The following RUNX2 variants were observed in gnomAD, a reference collection of about 807,000 sequenced individuals.
RUNX2 encodes the protein RUNX family transcription factor 2.
Under a neutral mutation model 51.7 loss-of-function variants are expected in RUNX2, and 10 were observed. That is an observed-to-expected ratio of 0.19 (90% CI 0.12 to 0.33). The LOEUF (loss-of-function observed/expected upper bound fraction) is 0.33, where lower values mean the gene tolerates loss of function less well. RUNX2 is among the 10% of genes least tolerant of loss of function. The pLI is 1.00. For synonymous variants in RUNX2, 276 were observed against 273.6 expected (o/e 1.01, Z -0.09); for missense variants, 562 against 691.3 (o/e 0.81, Z 2.10).
At chr6:45,526,266 A>G (rs919779302) in intron 7 of RUNX2, among the ~76,000 whole-genome samples, 4 of 152,194 alleles carry the variant, frequency 2.6e-5, no homozygotes, top group Admixed American at 1.3e-4. Flanking sequence ...TCCATAGACA[A>G]TTTTTGAAAT....
At chr6:45,509,776 T>A (rs1308144528) in intron 6 of RUNX2, among the ~76,000 whole-genome samples, 1 of 152,178 alleles carries the variant, frequency 6.6e-6, no homozygotes. Flanking sequence ...CCCTAATTCC[T>A]TTTCGTCATT....
intron 2 of RUNX2, among the ~76,000 whole-genome samples, chr6:45,412,157 G>C (rs1389281398): frequency 1.3e-5 from 2 of 149,654 alleles, no homozygotes; most frequent in Non-Finnish European, 3.0e-5. Flanking sequence ...AGACTAGCCT[G>C]GGCTACATGC....
intron 2 of RUNX2, among the ~76,000 whole-genome samples, chr6:45,406,301 G>A (rs1395504598): frequency 6.6e-6 from 1 of 152,182 alleles, no homozygotes; most frequent in African/African-American, 2.4e-5. Flanking sequence ...TGGGGAGGCT[G>A]GAACTAAAGT....
At chr6:45,444,239 T>A (rs1252179137) in intron 5 of RUNX2, among the ~76,000 whole-genome samples, 2 of 152,112 alleles carry the variant, frequency 1.3e-5, no homozygotes, top group African/African-American at 2.4e-5. Flanking sequence ...CACATGTGAG[T>A]GGGTTTCTAA....
chr6:45,450,209 C>T (rs377659396), intron 5 of RUNX2, among the ~76,000 whole-genome samples: 2 of 152,160 alleles, frequency 1.3e-5, no homozygotes, highest in African/African-American at 4.8e-5. Flanking sequence ...ATGGCTGCCT[C>T]TGTGATGTGA....
chr6:45,338,961 C>T (rs1310507764), intron 2 of RUNX2, among the ~76,000 whole-genome samples: 2 of 151,926 alleles, frequency 1.3e-5, no homozygotes, highest in Non-Finnish European at 2.9e-5. Context: ...ACTATTTACA[C>T]TCATGTGAGT....
chr6:45,448,188 G>A (rs1427916030), intron 5 of RUNX2, among the ~76,000 whole-genome samples: 1 of 152,154 alleles, frequency 6.6e-6, no homozygotes, highest in African/African-American at 2.4e-5. Flanking sequence ...AAACGGGGAG[G>A]AAATTAAATC....
At chr6:45,419,191 G>T (rs2150360152) in intron 2 of RUNX2, among the ~76,000 whole-genome samples, 1 of 152,254 alleles carries the variant, frequency 6.6e-6, no homozygotes, top group East Asian at 1.9e-4. Flanking sequence ...TGTCTTCAAA[G>T]TTCCAGGAAT....
At chr6:45,381,759 C>T (rs990379317) in intron 2 of RUNX2, among the ~76,000 whole-genome samples, 3 of 152,100 alleles carry the variant, frequency 2.0e-5, no homozygotes, top group African/African-American at 4.8e-5. Context: ...GAAAAACCAG[C>T]GTGAAAAGAT....
intron 7 of RUNX2, among the ~76,000 whole-genome samples, chr6:45,532,282 T>C (rs974701994): frequency 3.3e-5 from 5 of 151,334 alleles, no homozygotes; most frequent in Non-Finnish European, 7.4e-5. Flanking sequence ...GTATTTCTAG[T>C]AGAATTTTTG....
intron 5 of RUNX2, among the ~76,000 whole-genome samples, chr6:45,475,584 C>A (rs565772346): frequency 6.6e-6 from 1 of 152,298 alleles, no homozygotes; most frequent in African/African-American, 2.4e-5. Flanking sequence ...ACATTCAGAG[C>A]TAATTTTAAA....
chr6:45,383,959 C>A (rs1011373791), intron 2 of RUNX2, among the ~76,000 whole-genome samples: 2 of 152,150 alleles, frequency 1.3e-5, no homozygotes, highest in African/African-American at 4.8e-5. Context: ...CACCAGGTTA[C>A]TTTGTTTTTA....
At chr6:45,471,007 C>T (rs1033004366) in intron 5 of RUNX2, among the ~76,000 whole-genome samples, 1 of 152,140 alleles carries the variant, frequency 6.6e-6, no homozygotes, top group Non-Finnish European at 1.5e-5. Flanking sequence ...ATAATAATGG[C>T]ATTGTGGGAA....
intron 2 of RUNX2, among the ~76,000 whole-genome samples, chr6:45,382,892 G>A (rs543013272): frequency 4.2e-4 from 64 of 152,232 alleles, no homozygotes; most frequent in African/African-American, 1.5e-3. Flanking sequence ...TGGGTTCTGG[G>A]TATATTTTGA....
intron 5 of RUNX2, among the ~76,000 whole-genome samples, chr6:45,461,940 G>A (rs773066649): frequency 2.3e-4 from 35 of 152,016 alleles, no homozygotes; most frequent in Non-Finnish European, 2.1e-4. Flanking sequence ...TGTTCCCAGG[G>A]CAGCTGTGGC....
chr6:45,455,890 C>A (rs964803071), intron 5 of RUNX2, among the ~76,000 whole-genome samples: 2 of 151,914 alleles, frequency 1.3e-5, no homozygotes, highest in African/African-American at 4.8e-5. Flanking sequence ...AGATAAATGC[C>A]CTGCCATTGT....
chr6:45,349,825 A>C (rs1791650926), intron 2 of RUNX2, among the ~76,000 whole-genome samples: 1 of 152,250 alleles, frequency 6.6e-6, no homozygotes, highest in Admixed American at 6.5e-5. Flanking sequence ...TCCACTGCAT[A>C]ATCAGTTCAT....
intron 7 of RUNX2, among the ~76,000 whole-genome samples, chr6:45,512,875 T>A (rs936340076): frequency 6.6e-6 from 1 of 152,106 alleles, no homozygotes; most frequent in Non-Finnish European, 1.5e-5. Flanking sequence ...AAACTTAGGA[T>A]CTTTGTCAGA....
intron 7 of RUNX2, among the ~76,000 whole-genome samples, chr6:45,538,021 A>G (rs1034840008): frequency 2.0e-5 from 3 of 152,232 alleles, no homozygotes; most frequent in Non-Finnish European, 4.4e-5. Flanking sequence ...GTTTTAACTT[A>G]CTAATATCAG....
Sources: allele counts gnomAD v4.1 joint callset (sites outside exome capture counted in the v4.1 genomes callset), GRCh38; gene constraint gnomAD v4.1.1; transcripts MANE v1.5; gene names NCBI Gene and HGNC (gene_info 2026-07-23, HGNC 2026-07-21).